Variants in CEP78 observed in about 807,000 individuals in gnomAD.
CEP78 encodes the protein centrosomal protein 78, also known as centrosomal protein of 78 kDa.
In CEP78, 76 loss-of-function variants were observed where a neutral mutation model predicts 81.2. The ratio of observed to expected loss-of-function variants is 0.94; its 90% CI spans 0.78 to 1.13. The LOEUF (loss-of-function observed/expected upper bound fraction) is 1.13, where lower values mean the gene tolerates loss of function less well. Among genes scored for constraint, CEP78 ranks in the 50% most tolerant of loss-of-function variants. The pLI, the probability that CEP78 is intolerant of heterozygous loss-of-function variation, is 0.00. For synonymous variants in CEP78, 293 were observed against 301.4 expected, an observed-to-expected ratio of 0.97 and a Z score of 0.29; for missense variants, 918 against 846.8, an observed-to-expected ratio of 1.08 and a Z score of -1.04.
chr9:78,251,070 A>T (rs1471801679), intron 8 of CEP78, among the ~76,000 whole-genome samples: 1 of 152,234 alleles, frequency 6.6e-6, no homozygotes, highest in Non-Finnish European at 1.5e-5. Flanking sequence ...GTTCTCAGTG[A>T]TATCAGAAAC....
Position 78,254,868 on chromosome 9 carries a change from G to A in CEP78, c.1284G>A (p.Glu428=). Residue 428 remains glutamate (E), a synonymous_variant, in exon 11 of 17, where the codon GAG becomes GAA. Transcript: ENST00000643273. ...QPGFPVTVTV[E]SPSSSEVEEV... ...GTTTTCCTGTGACTGTGACAGTAGA[G>A]AGTCCTTCATCCTCTGAAGTTGAAG... 1 of 1,611,394 alleles carries A rather than the reference G, an allele frequency of 6.2e-7. No individual in the cohort carries two copies. The highest frequency in any genetic ancestry group is 8.5e-7 in the Non-Finnish European group (1 of 1,178,186).
intron 1 of CEP78, among the ~76,000 whole-genome samples, chr9:78,237,772 G>T (rs954269761): frequency 1.3e-5 from 2 of 151,960 alleles, no homozygotes; most frequent in Non-Finnish European, 2.9e-5. Flanking sequence ...TGGAAGGATG[G>T]TGAATTGTAA....
chr9:78,242,340 T>C (rs549274044), intron 4 of CEP78, among the ~76,000 whole-genome samples: 1 of 152,186 alleles, frequency 6.6e-6, no homozygotes, highest in East Asian at 1.9e-4. Flanking sequence ...AATGTTTATT[T>C]TGGGGCCTTT....
At chr9:78,249,947 C>A (rs149321133) in intron 8 of CEP78, 5,338 of 234,040 alleles carry the variant, frequency 0.023, 82 homozygotes, top group Non-Finnish European at 0.029. Flanking sequence ...ACCAGATAAT[C>A]TTTTATTTGG....
chr9:78,252,723 G>A (rs971521974), intron 9 of CEP78, among the ~76,000 whole-genome samples: 1 of 152,332 alleles, frequency 6.6e-6, no homozygotes, highest in East Asian at 1.9e-4. Context: ...TAGGTGCTAT[G>A]TAAAATATCT....
chr9:78,240,584 A>G (rs1826180484), intron 3 of CEP78, among the ~76,000 whole-genome samples: 1 of 152,162 alleles, frequency 6.6e-6, no homozygotes. Flanking sequence ...ACACAAATAT[A>G]TACCATCTGG....
rs750966160 is a variant in CEP78, at chr9:78,253,221, T to A, written c.1206-11T>A. ...ATCAAAATATAACTTAATTTATCGA[T>A]ATCTTTTTAGGGGTTTCCCATTAAT... On this transcript the variant is annotated splice_polypyrimidine_tract_variant and intron_variant, in intron 9 of 16. Transcript: ENST00000643273. 3.3e-6 allele frequency: 4 copies of A among 1,195,436 alleles called. No individual in the cohort carries two copies. In the South Asian group the frequency reaches 5.2e-5, roughly 15 times the overall value. 74.1% of individuals were successfully genotyped at this position (1,195,436 alleles called of 1,614,324 possible). A position where few individuals can be genotyped will look rare whatever the true frequency, so the allele number is the denominator to read the frequency against.
chr9:78,255,576 C>T (rs1209121811), intron 11 of CEP78, among the ~76,000 whole-genome samples: 4 of 151,888 alleles, frequency 2.6e-5, no homozygotes, highest in African/African-American at 9.7e-5. Flanking sequence ...GGTGGAAGGG[C>T]AGTTATCTTA....
chr9:78,257,948 G>C (rs1434706210), intron 11 of CEP78, among the ~76,000 whole-genome samples: 3 of 152,158 alleles, frequency 2.0e-5, no homozygotes, highest in Admixed American at 1.3e-4. Context: ...TATAGAAGGC[G>C]GTGTAACCTG....
Position 78,276,936 on chromosome 9 carries a change from C to A in CEP78, c.*6085C>A, listed in dbSNP as rs925020027. ...AATCTGAAAGTCATCAGGCATAAAG[C>A]AATTTTGATTACATCTCAAAACAAT... On this transcript the variant is annotated 3_prime_UTR_variant, in exon 17 of 17. Transcript: ENST00000643273. The A allele has an allele frequency of 6.6e-6, 1 of 151,898 alleles. No homozygotes were observed. The highest frequency in any genetic ancestry group is 2.4e-5 in the African/African-American group (1 of 41,354). The allele number at this position is 151,898 out of a possible 1,614,324, so 9.4% of individuals were successfully genotyped here.
chr9:78,243,813 A>G (rs534434234), intron 5 of CEP78, among the ~76,000 whole-genome samples, 177 bp downstream of exon 5: 1 of 126,382 alleles, frequency 7.9e-6, no homozygotes, highest in South Asian at 2.7e-4. Context: ...AGAAAATACC[A>G]AGTAACAAAA....
Position 78,254,911 on chromosome 9 carries a change from G to T in CEP78, c.1327G>T (p.Glu443Ter), listed in dbSNP as rs1212299137. The part of the protein sequence containing the change: ...SEVEEVDDSS[E>*]SVHEVPEKTS... ...AGTTGAAGAGGTTGATGATTCTTCA[G>T]AGAGTGTTCATGAAGTGCCTGAGAA... is the stretch of plus-strand genomic sequence containing the variant. The change falls in exon 11 of 17, where the codon GAG becomes TAG. Residue 443 changes from glutamate to a stop codon, truncating the protein, a stop_gained. Coordinates refer to ENST00000643273, the MANE Select transcript of CEP78 (RefSeq NM_001330691.3). LOFTEE classifies it high-confidence loss of function. 1.9e-6 allele frequency: 3 copies of T among 1,611,194 alleles called. No homozygotes were observed. The highest frequency in any genetic ancestry group is 2.2e-5 in the South Asian group (2 of 90,936).
chr9:78,261,140 G>A (rs1006601318), intron 11 of CEP78, among the ~76,000 whole-genome samples: 19 of 152,016 alleles, frequency 1.2e-4, no homozygotes, highest in Admixed American at 5.2e-4. Flanking sequence ...TAGTAGAGAC[G>A]GGGTTTCACC....
At chr9:78,251,834 G>C (rs147079470) in intron 8 of CEP78, 74 bp from the exon 9 acceptor site, 45 of 1,337,136 alleles carry the variant, frequency 3.4e-5, no homozygotes, top group African/African-American at 2.9e-4. Flanking sequence ...TCTTTTAAGA[G>C]TATGCACATG....
chr9:78,248,726 G>A, intron 7 of CEP78, 36 bp from the exon 8 acceptor site: 3 of 1,074,924 alleles, frequency 2.8e-6, no homozygotes, highest in Admixed American at 2.7e-5. Flanking sequence ...TAAATGATCT[G>A]TAACTGAAAT....
intron 5 of CEP78, among the ~76,000 whole-genome samples, chr9:78,245,274 C>T (rs1826427082): frequency 6.6e-6 from 1 of 152,062 alleles, no homozygotes; most frequent in Non-Finnish European, 1.5e-5. Flanking sequence ...ATTCATTTCT[C>T]ACAGTTCTGG....
intron 1 of CEP78, among the ~76,000 whole-genome samples, chr9:78,239,533 T>C (rs1826117907): frequency 6.6e-6 from 1 of 152,196 alleles, no homozygotes; most frequent in Non-Finnish European, 1.5e-5. Flanking sequence ...TCTAACCTGC[T>C]AGGGGTATCC....
chr9:78,241,571 GTAAA>G, intron 3 of CEP78, 121 bp from the exon 4 acceptor site: 1 of 518,782 alleles, frequency 1.9e-6, no homozygotes, highest in South Asian at 3.4e-5. Context: ...TAGGTAGATT[GTAAA>G]TAGTGATTTT....
rs186085172 is a variant in CEP78, at chr9:78,263,313, G to A, written c.1458+329G>A. On this transcript the variant is annotated intron_variant, in intron 12 of 16. Coordinates refer to ENST00000643273, the MANE Select transcript of CEP78 (RefSeq NM_001330691.3). ...TGTATATACAATTGCGTAAAAGATG[G>A]GGATGAGACTATCTACTGAAGGGGA... is the stretch of plus-strand genomic sequence containing the variant. Among the ~76,000 whole-genome samples, 627 of 152,158 alleles carry A rather than the reference G, an allele frequency of 4.1e-3. 3 individuals are homozygous for A. The highest frequency in any genetic ancestry group is 6.3e-3 in the Non-Finnish European group (427 of 67,958).
Sources: gnomAD v4.1 joint callset for allele counts (sites outside exome capture counted in the v4.1 genomes callset) on GRCh38, gnomAD v4.1.1 for gene constraint, MANE v1.5 for transcripts, NCBI Gene and HGNC (gene_info 2026-07-23, HGNC 2026-07-21) for gene names.